PSMA6: variants seen among roughly 807,000 people sequenced by gnomAD.
PSMA6 encodes the protein proteasome subunit alpha type-6.
For missense variants in PSMA6, 170 were observed against 294.8 expected, an observed-to-expected ratio of 0.58 and a Z score of 3.10; for synonymous variants, 88 against 97.7, an observed-to-expected ratio of 0.90 and a Z score of 0.59.
At chr14:35,291,005 T>TA (rs894760865), upstream of PSMA6, among the ~76,000 whole-genome samples, 10 of 151,908 alleles carry the variant, frequency 6.6e-5, no homozygotes, top group Non-Finnish European at 1.2e-4. Flanking sequence ...TTTTTTTTTT[T>TA]TTATTTAGAT....
intron 1 of PSMA6, among the ~76,000 whole-genome samples, chr14:35,286,351 A>G (rs1005049260): frequency 6.6e-6 from 1 of 152,190 alleles, no homozygotes; most frequent in Non-Finnish European, 1.5e-5. Flanking sequence ...TAACATGCCT[A>G]AGGGGAAGCT....
At chr14:35,297,407 G>A (rs181134306) in intron 1 of PSMA6, among the ~76,000 whole-genome samples, 214 of 151,984 alleles carry the variant, frequency 1.4e-3, no homozygotes, top group African/African-American at 5.0e-3. Context: ...AGTAGAGACG[G>A]GGTTTCACCG....
chr14:35,317,218 T>A lies in PSMA6; in HGVS notation c.684-31T>A, dbSNP rs773366928. 3.1e-6 allele frequency: 5 copies of A among 1,597,982 alleles called. No homozygotes were observed. In the Admixed American group the frequency reaches 8.3e-5, roughly 27 times the overall value. ...TGTGTTTGAAAAAATTTTTTTTAAA[T>A]CGTTGTTTTTTTCCCCCTTTTGCCT... is the stretch of plus-strand genomic sequence containing the variant. On this transcript the variant is annotated intron_variant, in intron 6 of 6. Coordinates refer to ENST00000261479, the MANE Select transcript of PSMA6 (RefSeq NM_002791.3).
chr14:35,299,430 C>G (rs868206498), intron 1 of PSMA6, among the ~76,000 whole-genome samples: 1 of 147,664 alleles, frequency 6.8e-6, no homozygotes. Flanking sequence ...TCAAGCGATT[C>G]TCCTGCCTCA....
At chr14:35,294,382 A>G (rs991015668) in intron 1 of PSMA6, among the ~76,000 whole-genome samples, 1 of 152,220 alleles carries the variant, frequency 6.6e-6, no homozygotes. Context: ...TCCCTCTGCT[A>G]TTCAGGGCAT....
intron 1 of PSMA6, among the ~76,000 whole-genome samples, chr14:35,281,191 T>C (rs1248820929): frequency 6.6e-6 from 1 of 152,198 alleles, no homozygotes; most frequent in African/African-American, 2.4e-5. Context: ...ACTTTTTACC[T>C]CCTTTGGTCT....
intron 1 of PSMA6, among the ~76,000 whole-genome samples, chr14:35,294,934 G>C (rs1339684151): frequency 6.6e-6 from 1 of 152,178 alleles, no homozygotes; most frequent in Non-Finnish European, 1.5e-5. Flanking sequence ...GGATGATGAT[G>C]AGGGGAGATT....
intron 1 of PSMA6, among the ~76,000 whole-genome samples, chr14:35,282,371 A>G (rs546796547): frequency 5.3e-5 from 8 of 152,176 alleles, no homozygotes; most frequent in Non-Finnish European, 8.8e-5. Flanking sequence ...AGTAGCTGGT[A>G]CTACTGGCGC....
upstream of PSMA6, among the ~76,000 whole-genome samples, chr14:35,289,630 G>A (rs941839844): frequency 1.3e-5 from 2 of 152,022 alleles, no homozygotes; most frequent in East Asian, 1.9e-4. Context: ...GTTGCACCAC[G>A]CCCAGCCTAA....
intron 6 of PSMA6, chr14:35,316,071 G>A (rs148382432): frequency 5.9e-5 from 9 of 152,172 alleles, no homozygotes; most frequent in Admixed American, 3.9e-4. Context: ...GCTTCCTTTC[G>A]AGGCAAACAT....
intron 1 of PSMA6, among the ~76,000 whole-genome samples, chr14:35,297,529 A>G (rs1448494300): frequency 6.6e-6 from 1 of 152,098 alleles, no homozygotes; most frequent in Non-Finnish European, 1.5e-5. Context: ...TTAATAACTC[A>G]TAGAATATGT....
intron 1 of PSMA6, among the ~76,000 whole-genome samples, chr14:35,287,011 G>A (rs1427629119): frequency 2.6e-5 from 4 of 152,114 alleles, no homozygotes; most frequent in African/African-American, 4.8e-5. Context: ...CCATTTGTCC[G>A]TTTCCTTTAC....
At chr14:35,308,212 G>C in intron 2 of PSMA6, 124 bp downstream of exon 2, 4 of 1,289,930 alleles carry the variant, frequency 3.1e-6, no homozygotes, top group Non-Finnish European at 1.1e-6. Flanking sequence ...ACCTTAGATC[G>C]GGAGTTCTAG....
At position 35,307,890 on chromosome 14, in the gene PSMA6, C is replaced by T. The variant is rs569927592; in HGVS notation, c.77-104C>T. 6.6e-6 allele frequency: 7 copies of T among 1,054,286 alleles called. No homozygotes were observed. In the South Asian group the frequency reaches 1.0e-4, roughly 16 times the overall value. 65.3% of individuals were successfully genotyped at this position (1,054,286 alleles called of 1,614,324 possible). A position where few individuals can be genotyped will look rare whatever the true frequency, so the allele number is the denominator to read the frequency against. ...CATCCTGGAATGCTATATGAGCATT[C>T]TGTGTTCATGTAGCTCTTTCTCATT... On this transcript the variant is annotated intron_variant, in intron 1 of 6. Transcript: ENST00000261479.
At chr14:35,296,100 G>T (rs575553886) in intron 1 of PSMA6, among the ~76,000 whole-genome samples, 1 of 152,272 alleles carries the variant, frequency 6.6e-6, no homozygotes, top group Non-Finnish European at 1.5e-5. Flanking sequence ...TGGACTGGTG[G>T]AGACATACTG....
At position 35,278,816 on chromosome 14, in the gene PSMA6, T is replaced by A. The variant is rs2051333550; in HGVS notation, c.19+98T>A. The A allele has an allele frequency of 3.5e-6, 5 of 1,416,766 alleles. No individual in the cohort carries two copies. In the Admixed American group the frequency reaches 8.1e-5, roughly 23 times the overall value. The allele number at this position is 1,416,766 out of a possible 1,614,324, so 87.8% of individuals were successfully genotyped here. A position where few individuals can be genotyped will look rare whatever the true frequency, so the allele number is the denominator to read the frequency against. ...TATTTTATTCCTCTTTACAATGACC[T>A]TGCTCTAGAATCCCAAGTTGCTTTT... On this transcript the variant is annotated intron_variant, in intron 1 of 6. Coordinates refer to the PSMA6 transcript ENST00000540871.
At chr14:35,290,918 C>T (rs142368546), upstream of PSMA6, among the ~76,000 whole-genome samples, 231 of 152,288 alleles carry the variant, frequency 1.5e-3, no homozygotes, top group Non-Finnish European at 2.6e-3. Context: ...AGCCCCATCC[C>T]CTCAGCTCTA....
chr14:35,307,721 G>A (rs373437214), intron 1 of PSMA6, among the ~76,000 whole-genome samples: 1 of 151,268 alleles, frequency 6.6e-6, no homozygotes, highest in African/African-American at 2.4e-5. Flanking sequence ...GTGACAGAGC[G>A]AGACTCTGTT....
chr14:35,289,326 A>C (rs1442390815), upstream of PSMA6, among the ~76,000 whole-genome samples: 1 of 146,758 alleles, frequency 6.8e-6, no homozygotes, highest in East Asian at 1.9e-4. Context: ...ACAGTGAACA[A>C]ATTTATGATT....
Sources: gnomAD v4.1 joint callset for allele counts (sites outside exome capture counted in the v4.1 genomes callset) on GRCh38, gnomAD v4.1.1 for gene constraint, MANE v1.5 for transcripts, NCBI Gene and HGNC (gene_info 2026-07-23, HGNC 2026-07-21) for gene names.